The following MACROD2 variants were observed in gnomAD, a reference collection of about 807,000 sequenced individuals.
The protein encoded by MACROD2 is mono-ADP ribosylhydrolase 2.
In MACROD2, 36 loss-of-function variants were observed where a neutral mutation model predicts 70.4. The ratio of observed to expected loss-of-function variants is 0.51; its 90% CI spans 0.39 to 0.68. MACROD2 has a LOEUF of 0.68. MACROD2 is among the 30% of genes least tolerant of loss of function. The pLI is 0.00. For missense variants in MACROD2, 496 were observed against 538.4 expected, an observed-to-expected ratio of 0.92 and a Z score of 0.78; for synonymous variants, 172 against 178.8, an observed-to-expected ratio of 0.96 and a Z score of 0.30.
chr20:15,660,402 A>ATT (rs10665751), intron 8 of MACROD2, among the ~76,000 whole-genome samples: 9,246 of 150,946 alleles, frequency 0.061, 562 homozygotes, highest in East Asian at 0.16. Flanking sequence ...CATGCACATC[A>ATT]TTTTTTTTTC....
intron 3 of MACROD2, among the ~76,000 whole-genome samples, chr20:14,223,506 C>CTT (rs11307206): frequency 5.4e-5 from 5 of 93,108 alleles, no homozygotes; most frequent in African/African-American, 8.0e-5. Context: ...CCTCTAAATT[C>CTT]TTTTTTTTTT....
intron 4 of MACROD2, among the ~76,000 whole-genome samples, chr20:14,600,132 C>T (rs6110351): frequency 2.6e-5 from 4 of 151,702 alleles, no homozygotes; most frequent in Admixed American, 1.3e-4. Context: ...GTGGCAAGGC[C>T]GTCATCATCA....
chr20:15,699,473 AG>A (rs950317881), intron 8 of MACROD2, among the ~76,000 whole-genome samples: 2 of 152,010 alleles, frequency 1.3e-5, no homozygotes, highest in African/African-American at 4.8e-5. Flanking sequence ...GTTCTGCTGG[AG>A]GTGGTGGAGG....
chr20:15,125,892 TA>T (rs1209974409), intron 5 of MACROD2, among the ~76,000 whole-genome samples: 1 of 151,772 alleles, frequency 6.6e-6, no homozygotes, highest in Non-Finnish European at 1.5e-5. Context: ...TCTGTCTCTC[TA>T]AATTTGCCTA....
intron 8 of MACROD2, among the ~76,000 whole-genome samples, chr20:15,590,467 C>T (rs1375262263): frequency 6.6e-6 from 1 of 152,182 alleles, no homozygotes; most frequent in African/African-American, 2.4e-5. Context: ...AAGTAGTTTG[C>T]TGGCCATTTC....
At position 14,946,199 on chromosome 20, in the gene MACROD2, C is replaced by CAA. The variant is rs113847000; in HGVS notation, c.418+261252_418+261253dup. Among the ~76,000 whole-genome samples the CAA allele has an allele frequency of 2.5e-3, 352 of 143,078 alleles. 3 individuals are homozygous for CAA. Among genetic ancestry groups the CAA allele is most frequent in the South Asian group, 0.017 (76 of 4,516 alleles). 93.9% of individuals were successfully genotyped at this position (143,078 alleles called of 152,430 possible). A position where few individuals can be genotyped will look rare whatever the true frequency, so the allele number is the denominator to read the frequency against. On this transcript the variant is annotated intron_variant, in intron 5 of 17. Coordinates refer to ENST00000684519, the MANE Select transcript of MACROD2 (RefSeq NM_001351661.2). ...GGGTGACAAGAACAAAACTCTGTCTCAAAAAAAAAAAAATTGTATAAACTG... is the reference window on the plus strand; with the variant it reads ...GGGTGACAAGAACAAAACTCTGTCTCAAAAAAAAAAAAAAATTGTATAAACTG...
At chr20:15,103,064 A>G (rs959746357) in intron 5 of MACROD2, among the ~76,000 whole-genome samples, 7 of 152,182 alleles carry the variant, frequency 4.6e-5, no homozygotes, top group African/African-American at 1.7e-4. Flanking sequence ...CATAAGCACA[A>G]AATTCAGCAT....
At chr20:14,381,130 T>C (rs915345925) in intron 3 of MACROD2, among the ~76,000 whole-genome samples, 3 of 152,184 alleles carry the variant, frequency 2.0e-5, no homozygotes, top group African/African-American at 7.2e-5. Flanking sequence ...AGAAGCTTTT[T>C]GGAACAGAGA....
intron 5 of MACROD2, among the ~76,000 whole-genome samples, chr20:14,961,107 A>G (rs1337227903): frequency 6.6e-6 from 1 of 152,164 alleles, no homozygotes; most frequent in African/African-American, 2.4e-5. Flanking sequence ...CACTCATTAT[A>G]TAGAGAGAGA....
chr20:14,404,354 C>T (rs1341087443), intron 3 of MACROD2, among the ~76,000 whole-genome samples: 5 of 152,040 alleles, frequency 3.3e-5, no homozygotes, highest in Non-Finnish European at 7.4e-5. Flanking sequence ...GGGGCAGGTG[C>T]GGTTGCTCAT....
intron 13 of MACROD2, among the ~76,000 whole-genome samples, chr20:15,975,670 A>T (rs911717213): frequency 6.6e-6 from 1 of 152,200 alleles, no homozygotes; most frequent in African/African-American, 2.4e-5. Flanking sequence ...CTGTGTGTGT[A>T]TACACACATA....
At chr20:15,899,986 G>A (rs1011578485) in intron 10 of MACROD2, among the ~76,000 whole-genome samples, 2 of 151,892 alleles carry the variant, frequency 1.3e-5, no homozygotes, top group East Asian at 1.9e-4. Flanking sequence ...TGTATTTCCC[G>A]AGAGGCAGAA....
intron 15 of MACROD2, among the ~76,000 whole-genome samples, chr20:16,002,602 AAG>A (rs1182647131): frequency 6.6e-6 from 1 of 152,154 alleles, no homozygotes; most frequent in Non-Finnish European, 1.5e-5. Flanking sequence ...GCGATGAAAC[AAG>A]GAATACAGGT....
intron 5 of MACROD2, among the ~76,000 whole-genome samples, chr20:15,052,113 CTCTGTGCTCAT>C: frequency 6.6e-6 from 1 of 152,182 alleles, no homozygotes; most frequent in Non-Finnish European, 1.5e-5. Context: ...TGAGTTCCTT[CTCTGTGCTCAT>C]TCTGTGCTTG....
chr20:15,131,506 G>A (rs2076105003), intron 5 of MACROD2, among the ~76,000 whole-genome samples: 1 of 152,080 alleles, frequency 6.6e-6, no homozygotes, highest in African/African-American at 2.4e-5. Context: ...GGAAATTGTG[G>A]TAAAGGGTAG....
intron 13 of MACROD2, among the ~76,000 whole-genome samples, chr20:15,973,598 G>A (rs1337851588): frequency 2.6e-5 from 4 of 152,156 alleles, no homozygotes; most frequent in African/African-American, 9.7e-5. Context: ...AAAGCCTCAT[G>A]TATCAAATAA....
chr20:14,575,345 GA>G (rs1244833784), intron 4 of MACROD2, among the ~76,000 whole-genome samples: 1 of 152,074 alleles, frequency 6.6e-6, no homozygotes, highest in Non-Finnish European at 1.5e-5. Context: ...AAGACAGTTG[GA>G]TTCTTATATC....
At chr20:15,715,253 G>A (rs922155972) in intron 8 of MACROD2, among the ~76,000 whole-genome samples, 1 of 151,976 alleles carries the variant, frequency 6.6e-6, no homozygotes, top group African/African-American at 2.4e-5. Context: ...TGCAATTCTT[G>A]TGCATTAGTT....
At chr20:15,680,691 T>G (rs1163456023) in intron 8 of MACROD2, among the ~76,000 whole-genome samples, 1 of 152,136 alleles carries the variant, frequency 6.6e-6, no homozygotes, top group East Asian at 1.9e-4. Flanking sequence ...TTAATGATTT[T>G]ATCAGAGTTG....
Sources: gnomAD v4.1 joint callset for allele counts (sites outside exome capture counted in the v4.1 genomes callset) on GRCh38, gnomAD v4.1.1 for gene constraint, MANE v1.5 for transcripts, NCBI Gene and HGNC (gene_info 2026-07-23, HGNC 2026-07-21) for gene names.